The following DLG2 variants were observed in gnomAD, a reference collection of about 807,000 sequenced individuals.
DLG2 encodes disks large homolog 2.
Under a neutral mutation model 132.5 loss-of-function variants are expected in DLG2, and 45 were observed. The observed-to-expected ratio is 0.34, with a 90% CI of 0.27 to 0.44. The LOEUF is 0.44. Ranked by LOEUF, DLG2 falls within the 20% of genes least tolerant of loss-of-function variation. The pLI is 1.00. For synonymous variants in DLG2, 424 were observed against 419.6 expected, an observed-to-expected ratio of 1.01 and a Z score of -0.13; for missense variants, 1,045 against 1,196.9, an observed-to-expected ratio of 0.87 and a Z score of 1.87.
At chr11:84,385,061 C>T (rs913650962) in intron 7 of DLG2, among the ~76,000 whole-genome samples, 2 of 152,052 alleles carry the variant, frequency 1.3e-5, no homozygotes, top group African/African-American at 4.8e-5. Context: ...GTTGGCATAA[C>T]TCCCAATTTG....
At chr11:85,352,847 T>G (rs893474443) in intron 3 of DLG2, among the ~76,000 whole-genome samples, 28 of 152,172 alleles carry the variant, frequency 1.8e-4, no homozygotes, top group Non-Finnish European at 1.5e-5. Flanking sequence ...TATGATAGAT[T>G]AAAGACTTAA....
At chr11:84,681,661 A>G (rs917082825) in intron 6 of DLG2, among the ~76,000 whole-genome samples, 2 of 152,110 alleles carry the variant, frequency 1.3e-5, no homozygotes, top group South Asian at 2.1e-4. Context: ...GAATCTGCAG[A>G]TGAGACAATC....
At chr11:84,369,548 C>T (rs190240540) in intron 7 of DLG2, among the ~76,000 whole-genome samples, 4 of 152,160 alleles carry the variant, frequency 2.6e-5, no homozygotes, top group Admixed American at 2.6e-4. Context: ...ATGGGGCGGG[C>T]AGACATACAC....
At chr11:83,795,576 T>C (rs923790526) in intron 17 of DLG2, among the ~76,000 whole-genome samples, 7 of 152,128 alleles carry the variant, frequency 4.6e-5, no homozygotes, top group Admixed American at 3.9e-4. Context: ...TGACTTCTAG[T>C]TGTGTTGCTG....
In DLG2 at chr11:83,785,062, AT is replaced by A. The variant is rs11383027; in HGVS notation, c.1825+1627del. ...ATTTTCAGCTTTATAATGGATACTT[AT>A]TTTTTTTTTGAGATGGAGTCTTGCT... On this transcript the variant is annotated intron_variant, in intron 18 of 27. Coordinates refer to ENST00000376104, the MANE Select transcript of DLG2 (RefSeq NM_001142699.3). 5.3e-5 allele frequency among the ~76,000 whole-genome samples: 8 copies of A among 150,104 alleles called. 1 individual carries two copies. The highest frequency in any genetic ancestry group is 1.3e-4 in the Admixed American group (2 of 15,076).
chr11:85,609,827 C>T (rs1392885022), intron 2 of DLG2, among the ~76,000 whole-genome samples: 1 of 152,182 alleles, frequency 6.6e-6, no homozygotes, highest in East Asian at 1.9e-4. Context: ...AGACGACTGT[C>T]CTCAAGGTCC....
At chr11:84,331,453 A>AT (rs200522274) in intron 7 of DLG2, among the ~76,000 whole-genome samples, 22,703 of 142,238 alleles carry the variant, frequency 0.16, 1,949 homozygotes, top group East Asian at 0.23. Context: ...AAAAAAAAAA[A>AT]AAAAAAAATA....
At chr11:84,792,627 A>G (rs2074021703) in intron 6 of DLG2, among the ~76,000 whole-genome samples, 1 of 151,862 alleles carries the variant, frequency 6.6e-6, no homozygotes. Context: ...CAGGTTTTGG[A>G]TTTCTTAATA....
At chr11:83,513,725 CCA>C (rs2095162768) in intron 21 of DLG2, among the ~76,000 whole-genome samples, 1 of 152,180 alleles carries the variant, frequency 6.6e-6, no homozygotes, top group South Asian at 2.1e-4. Context: ...AGGAAGGGAT[CCA>C]GTTTCAGCTT....
chr11:84,494,609 T>C (rs568562176), intron 7 of DLG2, among the ~76,000 whole-genome samples: 1 of 152,212 alleles, frequency 6.6e-6, no homozygotes, highest in South Asian at 2.1e-4. Context: ...GGTCCGGAAG[T>C]AGTAATGACT....
intron 15 of DLG2, among the ~76,000 whole-genome samples, chr11:83,926,961 G>C (rs759749328): frequency 7.2e-5 from 11 of 152,078 alleles, no homozygotes; most frequent in Non-Finnish European, 1.5e-4. Context: ...GTGCCTAATG[G>C]ATTTATAATG....
intron 16 of DLG2, among the ~76,000 whole-genome samples, 159 bp downstream of exon 16, chr11:83,874,261 A>AGAGAGGG (rs1565442603): frequency 1.5e-4 from 23 of 149,210 alleles, no homozygotes; most frequent in East Asian, 7.9e-4. Context: ...GGAAGGAAGG[A>AGAGAGGG]AAGAAGGAAG....
At chr11:84,794,931 C>A (rs947666634) in intron 6 of DLG2, among the ~76,000 whole-genome samples, 5 of 152,162 alleles carry the variant, frequency 3.3e-5, no homozygotes, top group Non-Finnish European at 7.3e-5. Flanking sequence ...TGGGCACCAT[C>A]GATAGACAGC....
At chr11:85,606,495 G>A (rs779047793) in intron 2 of DLG2, among the ~76,000 whole-genome samples, 3 of 152,078 alleles carry the variant, frequency 2.0e-5, no homozygotes, top group Admixed American at 1.3e-4. Context: ...TCTGTAAAAC[G>A]GACCAATCAG....
chr11:85,530,873 C>A (rs189283329), intron 3 of DLG2, among the ~76,000 whole-genome samples: 152 of 152,284 alleles, frequency 1.0e-3, no homozygotes, highest in Non-Finnish European at 1.4e-3. Flanking sequence ...TATTACATAG[C>A]TATCACACAC....
At chr11:84,592,483 A>G (rs1308804701) in intron 6 of DLG2, among the ~76,000 whole-genome samples, 2 of 152,188 alleles carry the variant, frequency 1.3e-5, no homozygotes, top group Non-Finnish European at 2.9e-5. Context: ...TAATTAAACC[A>G]AAGAGCTTCT....
chr11:84,909,185 C>G (rs1305306078), intron 6 of DLG2, among the ~76,000 whole-genome samples: 1 of 152,164 alleles, frequency 6.6e-6, no homozygotes, highest in East Asian at 1.9e-4. Flanking sequence ...TCTCTCTGTT[C>G]CTGCTCTTCC....
At chr11:84,750,083 A>G (rs1247320334) in intron 6 of DLG2, among the ~76,000 whole-genome samples, 1 of 152,084 alleles carries the variant, frequency 6.6e-6, no homozygotes, top group African/African-American at 2.4e-5. Flanking sequence ...GCAAAGAACC[A>G]CTCACTTGTT....
chr11:84,234,447 C>T (rs185659185), intron 8 of DLG2, among the ~76,000 whole-genome samples: 3 of 152,162 alleles, frequency 2.0e-5, no homozygotes, highest in South Asian at 2.1e-4. Flanking sequence ...AACGAAAGTG[C>T]GTTGGTTCAG....
Sources: gnomAD v4.1 joint callset for allele counts (sites outside exome capture counted in the v4.1 genomes callset) on GRCh38, gnomAD v4.1.1 for gene constraint, MANE v1.5 for transcripts, NCBI Gene and HGNC (gene_info 2026-07-23, HGNC 2026-07-21) for gene names.